The following HERC1 variants were observed in gnomAD, a reference collection of about 807,000 sequenced individuals.
HERC1 encodes the protein probable E3 ubiquitin-protein ligase HERC1.
HERC1 carries 160 observed loss-of-function variants against 554.3 expected under a neutral mutation model. The ratio of observed to expected loss-of-function variants is 0.29; its 90% CI spans 0.25 to 0.33. The LOEUF is 0.33. Ranked by LOEUF, HERC1 falls within the 10% of genes least tolerant of loss-of-function variation. HERC1 has a pLI of 1.00. For synonymous variants in HERC1, 2,175 were observed against 2,131.7 expected, an observed-to-expected ratio of 1.02 and a Z score of -0.56; for missense variants, 4,919 against 5,918.5, an observed-to-expected ratio of 0.83 and a Z score of 5.54.
intron 12 of HERC1, among the ~76,000 whole-genome samples, chr15:63,744,358 T>C (rs533679714): frequency 2.0e-5 from 3 of 152,268 alleles, no homozygotes; most frequent in East Asian, 1.9e-4. Flanking sequence ...CTATTGCCTA[T>C]GTTCGCTCAA....
Position 63,661,955 on chromosome 15 carries a change from T to C in HERC1, c.8968A>G (p.Ser2990Gly), listed in dbSNP as rs766709161. 6.2e-7 allele frequency: 1 copy of C among 1,614,018 alleles called. No individual in the cohort carries two copies. Among genetic ancestry groups the C allele is most frequent in the Non-Finnish European group, 8.5e-7 (1 of 1,179,880 alleles). Reference protein sequence around the residue: ...VCELCECSVVSFNQHMKRNHP... With the variant: ...VCELCECSVVGFNQHMKRNHP... ...TTTCTCTTCATGTGCTGATTGAAGC[T>C]GACGACGCTGCATTCACACAGTTCA... The change falls in exon 45 of 78, where the codon AGC becomes GGC. Residue 2990 changes from serine (S) to glycine (G), a missense_variant. Ser to Gly is a moderately conservative substitution (Grantham distance 56). Coordinates refer to ENST00000443617, the MANE Select transcript of HERC1 (RefSeq NM_003922.4).
chr15:63,645,645 T>A lies in HERC1; in HGVS notation c.10916A>T (p.His3639Leu). The stretch of plus-strand genomic sequence containing the variant: ...TTCTTTGGCACATGTCATAAGAATA[T>A]GACCTGTAGGGTCCCACTTCATGCT... The part of the protein sequence containing the change: ...LISMKWDPTG[H>L]ILMTCAKEDS... Residue 3639 changes from histidine (H) to leucine (L), a missense_variant, in exon 56 of 78, where the codon CAT becomes CTT. By Grantham distance (99) the His-to-Leu change is moderately conservative. Around this residue, in one of 11 missense-constraint regions of HERC1, gnomAD observed 1,963 missense variants for 2,228.6 expected, o/e 0.88. Coordinates refer to ENST00000443617, the MANE Select transcript of HERC1 (RefSeq NM_003922.4). 1 of 1,607,590 alleles carries A rather than the reference T, an allele frequency of 6.2e-7. No individual in the cohort carries two copies. The highest frequency in any genetic ancestry group is 8.5e-7 in the Non-Finnish European group (1 of 1,177,240).
intron 12 of HERC1, among the ~76,000 whole-genome samples, chr15:63,737,518 T>G (rs1293424005): frequency 6.2e-5 from 1 of 16,218 alleles, no homozygotes; most frequent in African/African-American, 5.5e-4. Flanking sequence ...TTTTTCCAGA[T>G]ATATATATAT....
intron 12 of HERC1, 70 bp downstream of exon 12, chr15:63,746,848 A>G: frequency 7.7e-7 from 1 of 1,300,704 alleles, no homozygotes. Context: ...ACAGTTGAAT[A>G]TATTGTATAG....
intron 69 of HERC1, among the ~76,000 whole-genome samples, chr15:63,629,355 T>C (rs1214407831): frequency 6.6e-6 from 1 of 152,050 alleles, no homozygotes; most frequent in African/African-American, 2.4e-5. Flanking sequence ...AGCAGATGAG[T>C]CTTAATGACT....
intron 12 of HERC1, among the ~76,000 whole-genome samples, chr15:63,736,612 CTTT>C (rs59109042): frequency 2.8e-5 from 4 of 145,382 alleles, no homozygotes; most frequent in Non-Finnish European, 3.0e-5. Context: ...ATCACACTCT[CTTT>C]TTTTTTTTTT....
chr15:63,749,263 T>C lies in HERC1; in HGVS notation c.2219+104A>G. Reference sequence around the variant, plus strand: ...AATACTATATATGTTCAGAAGAGTATTTTATGAACAAAGCACAATTATTTC... The same window carrying C: ...AATACTATATATGTTCAGAAGAGTACTTTATGAACAAAGCACAATTATTTC... On this transcript the variant is annotated intron_variant, in intron 10 of 77. Transcript: ENST00000443617. The surrounding 1 kb of genome is among the most constrained non-coding windows in gnomAD (Gnocchi z 4.1). The C allele has an allele frequency of 1.1e-6, 1 of 895,398 alleles. No homozygotes were observed. Among genetic ancestry groups the C allele is most frequent in the Non-Finnish European group, 1.7e-6 (1 of 584,906 alleles). The allele number at this position is 895,398 out of a possible 1,614,324, so 55.5% of individuals were successfully genotyped here. A position where few individuals can be genotyped will look rare whatever the true frequency, so the allele number is the denominator to read the frequency against.
At chr15:63,686,585 AT>A in intron 33 of HERC1, 50 bp from the exon 34 acceptor site, 1 of 1,509,160 alleles carries the variant, frequency 6.6e-7, no homozygotes, top group East Asian at 2.3e-5. Context: ...CATGTCTCAG[AT>A]AAGATATATT....
intron 1 of HERC1, among the ~76,000 whole-genome samples, chr15:63,780,717 G>A (rs562066624): frequency 5.2e-4 from 78 of 150,394 alleles, no homozygotes; most frequent in Non-Finnish European, 8.6e-4. Flanking sequence ...ATGAGACTCC[G>A]TTTCAAAAAA....
At chr15:63,800,927 C>T (rs949026466) in intron 1 of HERC1, among the ~76,000 whole-genome samples, 5 of 152,120 alleles carry the variant, frequency 3.3e-5, no homozygotes, top group Admixed American at 1.3e-4. Flanking sequence ...GTTCCACCAC[C>T]AGACCTCAAG....
chr15:63,702,919 C>T (rs2072800855), intron 25 of HERC1, among the ~76,000 whole-genome samples: 2 of 152,032 alleles, frequency 1.3e-5, no homozygotes, highest in Non-Finnish European at 2.9e-5. Context: ...GCCTGGCCAA[C>T]ATGGTGAAAC....
intron 1 of HERC1, among the ~76,000 whole-genome samples, chr15:63,794,926 C>T (rs1318065934): frequency 2.0e-5 from 3 of 151,818 alleles, no homozygotes; most frequent in East Asian, 3.9e-4. Context: ...ATTAGCCAGG[C>T]GTGGTGGTGT....
In HERC1 at chr15:63,612,253, T is replaced by C; in HGVS notation, c.14398A>G (p.Arg4800Gly). ...GGAAAAAAGAATAGCTTACTTACCC[T>C]ATCAACCTTCATGATTTGAAATCTC... ...SQRFQIMKVDRPYDSLPTSQT... is the reference protein window; with the variant it reads ...SQRFQIMKVDGPYDSLPTSQT... The change falls in exon 77 of 78, where the codon AGG (arginine) becomes GGG (glycine). Residue 4800 changes from arginine to glycine, a missense_variant and splice_region_variant. Transcript: ENST00000443617. The surrounding 1 kb of genome is among the most constrained non-coding windows in gnomAD (Gnocchi z 5.0). 1 of 1,604,978 alleles carries C rather than the reference T, an allele frequency of 6.2e-7. No individual in the cohort carries two copies. The highest frequency in any genetic ancestry group is 8.5e-7 in the Non-Finnish European group (1 of 1,173,420).
At chr15:63,615,141 G>C (rs1157473547) in intron 76 of HERC1, among the ~76,000 whole-genome samples, 1 of 152,224 alleles carries the variant, frequency 6.6e-6, no homozygotes, top group East Asian at 1.9e-4. Flanking sequence ...CTGGGAAGCA[G>C]TAAGACATGA....
In HERC1 at chr15:63,694,727, G is replaced by A. The variant is rs373198279; in HGVS notation, c.5242+47C>T. The A allele has an allele frequency of 2.4e-4, 388 of 1,612,032 alleles. 1 individual carries two copies. Among genetic ancestry groups the A allele is most frequent in the Non-Finnish European group, 3.2e-4 (372 of 1,178,358 alleles). ...AACATAACTAGTACCATAACCTCGG[G>A]CTAAAATGTAACCTGCACTGTACAT... On this transcript the variant is annotated intron_variant, in intron 28 of 77. Transcript: ENST00000443617. The surrounding 1 kb of genome is among the most constrained non-coding windows in gnomAD (Gnocchi z 4.3).
chr15:63,726,611 T>C (rs777777157), intron 17 of HERC1, among the ~76,000 whole-genome samples: 2 of 152,034 alleles, frequency 1.3e-5, no homozygotes, highest in Non-Finnish European at 2.9e-5. Context: ...TTCCTGGAAA[T>C]ATATATATTT....
intron 59 of HERC1, among the ~76,000 whole-genome samples, chr15:63,642,551 T>C (rs916654190): frequency 1.2e-4 from 18 of 152,324 alleles, no homozygotes; most frequent in African/African-American, 4.1e-4. Flanking sequence ...TTGGCCAAGC[T>C]GGTCTTGAAC....
chr15:63,754,420 A>G (rs771368541), intron 7 of HERC1, 85 bp downstream of exon 7: 19 of 1,007,006 alleles, frequency 1.9e-5, no homozygotes, highest in Non-Finnish European at 2.6e-5. Context: ...GAGTCATTCT[A>G]CACTAGGCAT....
chr15:63,731,778 A>T (rs1175236512), intron 14 of HERC1, among the ~76,000 whole-genome samples: 1 of 152,106 alleles, frequency 6.6e-6, no homozygotes, highest in African/African-American at 2.4e-5. Context: ...TACACAGTAC[A>T]CTCTGATCCT....
Sources: gnomAD v4.1 joint callset for allele counts (sites outside exome capture counted in the v4.1 genomes callset) on GRCh38, gnomAD v4.1.1 for gene constraint, gnomAD v4.1.1 regional missense constraint, Gnocchi (gnomAD v3.1) non-coding constraint, MANE v1.5 for transcripts, NCBI Gene and HGNC (gene_info 2026-07-23, HGNC 2026-07-21) for gene names.